KCNQ5: variants seen among roughly 807,000 people sequenced by gnomAD.
The protein encoded by KCNQ5 is potassium voltage-gated channel subfamily KQT member 5.
Under a neutral mutation model 98.2 loss-of-function variants are expected in KCNQ5, and 30 were observed. That is an observed-to-expected ratio of 0.31 (90% confidence interval 0.23 to 0.41). The LOEUF (loss-of-function observed/expected upper bound fraction) is 0.41. KCNQ5 is among the 10% of genes least tolerant of loss of function. The pLI is 1.00. For missense variants in KCNQ5, 835 were observed against 1,182.5 expected, an observed-to-expected ratio of 0.71 and a Z score of 4.31; for synonymous variants, 458 against 449.4, an observed-to-expected ratio of 1.02 and a Z score of -0.24.
intron 10 of KCNQ5, among the ~76,000 whole-genome samples, chr6:73,151,752 T>A (rs1375582651): frequency 6.6e-6 from 1 of 152,262 alleles, no homozygotes; most frequent in African/African-American, 2.4e-5. Flanking sequence ...ACAGCCATTA[T>A]CTTTTGAATT....
intron 8 of KCNQ5, among the ~76,000 whole-genome samples, chr6:73,120,980 G>A (rs756798649): frequency 3.3e-5 from 5 of 152,070 alleles, no homozygotes; most frequent in Admixed American, 2.0e-4. Context: ...ATCTTTGTAC[G>A]TTTAGATCTC....
intron 3 of KCNQ5, among the ~76,000 whole-genome samples, chr6:73,048,360 G>A (rs1425686752): frequency 6.6e-6 from 1 of 152,152 alleles, no homozygotes; most frequent in African/African-American, 2.4e-5. Context: ...GTTGTACAAG[G>A]TGGAGACATA....
intron 1 of KCNQ5, among the ~76,000 whole-genome samples, chr6:72,997,222 T>C (rs1276389129): frequency 6.6e-6 from 1 of 152,070 alleles, no homozygotes; most frequent in Non-Finnish European, 1.5e-5. Flanking sequence ...GCCACACGAA[T>C]TTCCTGATCC....
intron 1 of KCNQ5, among the ~76,000 whole-genome samples, chr6:72,966,490 C>T (rs1409422209): frequency 1.3e-5 from 2 of 151,894 alleles, no homozygotes; most frequent in African/African-American, 2.4e-5. Flanking sequence ...ATCTCTTGAA[C>T]CCGGGAGGCA....
Position 73,067,164 on chromosome 6 carries a change from C to T in KCNQ5, c.617-10158C>T, listed in dbSNP as rs147806690. Among the ~76,000 whole-genome samples, 446 of 152,202 alleles carry T rather than the reference C, an allele frequency of 2.9e-3. 2 individuals carry two copies. The highest frequency in any genetic ancestry group is 4.9e-3 in the Non-Finnish European group (336 of 68,002). On this transcript the variant is annotated intron_variant, in intron 3 of 13. Transcript: ENST00000370398. ...TAAGCCTTTGCTTGACTTTCTACAT[C>T]CCTGTTTACTAGGCTTTCTATGACA...
In KCNQ5 at chr6:72,986,841, C is replaced by CA. The variant is rs553652814; in HGVS notation, c.399-17066dup. The CA allele has an allele frequency of 7.7e-5, 80 of 1,035,550 alleles. No homozygotes were observed. In the East Asian group the frequency reaches 1.7e-3, roughly 22 times the overall value. The allele number at this position is 1,035,550 out of a possible 1,614,324, so 64.1% of individuals were successfully genotyped here. On this transcript the variant is annotated intron_variant, in intron 1 of 13. Coordinates refer to ENST00000370398, the MANE Select transcript of KCNQ5 (RefSeq NM_019842.4). ...GAAACAAAGGGGGCCCAGGACCCCA[C>CA]AGCCCTCTCAGTCCAGAACCCTTGG...
intron 1 of KCNQ5, among the ~76,000 whole-genome samples, chr6:72,948,059 C>A: frequency 6.6e-6 from 1 of 152,044 alleles, no homozygotes; most frequent in East Asian, 1.9e-4. Flanking sequence ...AATCAATTAA[C>A]GTAGCACCAC....
intron 1 of KCNQ5, among the ~76,000 whole-genome samples, chr6:72,804,216 A>G (rs1774830821): frequency 6.6e-6 from 1 of 152,104 alleles, no homozygotes; most frequent in South Asian, 2.1e-4. Context: ...CCAATAAATT[A>G]CTGTTGACTG....
intron 1 of KCNQ5, among the ~76,000 whole-genome samples, chr6:72,691,258 A>G (rs1009984774): frequency 1.3e-5 from 2 of 152,200 alleles, no homozygotes; most frequent in African/African-American, 2.4e-5. Context: ...GTATAGTTCT[A>G]TTTTTCATAA....
At chr6:73,131,226 G>A (rs1265976384) in intron 9 of KCNQ5, among the ~76,000 whole-genome samples, 1 of 151,814 alleles carries the variant, frequency 6.6e-6, no homozygotes, top group African/African-American at 2.4e-5. Flanking sequence ...TTTCATTTTG[G>A]ATGTTTTTAC....
intron 10 of KCNQ5, among the ~76,000 whole-genome samples, chr6:73,152,794 G>C (rs1198495228): frequency 6.6e-6 from 1 of 152,144 alleles, no homozygotes; most frequent in Non-Finnish European, 1.5e-5. Flanking sequence ...AGTATCTTTA[G>C]CTCTTTTTTC....
intron 1 of KCNQ5, among the ~76,000 whole-genome samples, chr6:72,998,959 C>T (rs558264361): frequency 3.9e-5 from 6 of 152,164 alleles, no homozygotes; most frequent in Non-Finnish European, 8.8e-5. Context: ...CTTTAAACCT[C>T]AGCTCCATTT....
intron 3 of KCNQ5, among the ~76,000 whole-genome samples, chr6:73,049,184 A>T (rs902378032): frequency 2.6e-5 from 4 of 152,210 alleles, no homozygotes; most frequent in African/African-American, 9.6e-5. Flanking sequence ...TAAATATCAC[A>T]GAGCAACTCA....
intron 10 of KCNQ5, among the ~76,000 whole-genome samples, chr6:73,144,104 G>C (rs1485393299): frequency 6.6e-6 from 1 of 152,096 alleles, no homozygotes; most frequent in African/African-American, 2.4e-5. Context: ...TGGTAAAGAA[G>C]GGGGGAAACA....
At chr6:72,714,184 G>T (rs914378170) in intron 1 of KCNQ5, among the ~76,000 whole-genome samples, 1 of 151,986 alleles carries the variant, frequency 6.6e-6, no homozygotes, top group Non-Finnish European at 1.5e-5. Flanking sequence ...GTTGTTGAAG[G>T]CCTCTTCTTA....
At chr6:72,957,220 G>A (rs1767125899) in intron 1 of KCNQ5, among the ~76,000 whole-genome samples, 2 of 150,124 alleles carry the variant, frequency 1.3e-5, no homozygotes, top group Middle Eastern at 3.5e-3. Flanking sequence ...GCCCAGGCTG[G>A]AGTGCAGTGG....
At chr6:73,123,556 T>C (rs982326452) in intron 8 of KCNQ5, among the ~76,000 whole-genome samples, 1 of 152,170 alleles carries the variant, frequency 6.6e-6, no homozygotes. Flanking sequence ...CAGGTCTGGT[T>C]TGTCTCTTAC....
chr6:72,799,385 CTATTAT>C (rs1449677419), intron 1 of KCNQ5, among the ~76,000 whole-genome samples: 7 of 152,170 alleles, frequency 4.6e-5, no homozygotes, highest in Non-Finnish European at 8.8e-5. Context: ...TGCAACAGCT[CTATTAT>C]TATTTGATTA....
In KCNQ5 at chr6:72,962,759, G is replaced by A. The variant is rs149303168; in HGVS notation, c.399-41149G>A. The stretch of plus-strand genomic sequence containing the variant: ...ACCAATGGCAGCATCCAGTTGTGAG[G>A]CCACTGGAGCCAGGACTGGATGGAG... On this transcript the variant is annotated intron_variant, in intron 1 of 13. Coordinates refer to ENST00000370398, the MANE Select transcript of KCNQ5 (RefSeq NM_019842.4). Among the ~76,000 whole-genome samples the A allele has an allele frequency of 9.0e-3, 1,363 of 152,242 alleles. 25 individuals carry two copies. Among genetic ancestry groups the A allele is most frequent in the African/African-American group, 0.031 (1,294 of 41,540 alleles).
Sources: allele counts gnomAD v4.1 joint callset (sites outside exome capture counted in the v4.1 genomes callset), GRCh38; gene constraint gnomAD v4.1.1; transcripts MANE v1.5; gene names NCBI Gene and HGNC (gene_info 2026-07-23, HGNC 2026-07-21).